Variants in MAML3 observed in about 807,000 individuals in gnomAD.
MAML3 encodes mastermind-like protein 3.
Under a neutral mutation model 101.9 loss-of-function variants are expected in MAML3, and 27 were observed. The ratio of observed to expected loss-of-function variants is 0.27; its 90% CI spans 0.20 to 0.37. MAML3 has a LOEUF of 0.37. MAML3 is among the 10% of genes least tolerant of loss of function. MAML3 has a pLI of 1.00. For missense variants in MAML3, 1,316 were observed against 1,444.9 expected (o/e 0.91, Z 1.45); for synonymous variants, 501 against 555.9 (o/e 0.90, Z 1.39).
intron 2 of MAML3, among the ~76,000 whole-genome samples, chr4:139,749,894 C>G (rs867396722): frequency 9.3e-5 from 10 of 107,890 alleles, no homozygotes; most frequent in East Asian, 2.9e-4. Context: ...AACCCCCCCC[C>G]ACCCTATTCT....
chr4:140,033,043 CG>C (rs1726932814), intron 1 of MAML3, among the ~76,000 whole-genome samples: 1 of 152,134 alleles, frequency 6.6e-6, no homozygotes. Flanking sequence ...TAACCATGAA[CG>C]GGTGTTCAGA....
chr4:139,945,095 C>A (rs941383482), intron 1 of MAML3, among the ~76,000 whole-genome samples: 1 of 152,200 alleles, frequency 6.6e-6, no homozygotes, highest in Non-Finnish European at 1.5e-5. Flanking sequence ...GAAAATTCCA[C>A]CCCCTAACCC....
intron 1 of MAML3, among the ~76,000 whole-genome samples, chr4:140,022,679 T>C (rs1325686882): frequency 6.6e-6 from 1 of 152,022 alleles, no homozygotes; most frequent in African/African-American, 2.4e-5. Context: ...AGAAGAAAAA[T>C]TCATCTCTTC....
chr4:139,935,337 G>A (rs1209987248), intron 1 of MAML3, among the ~76,000 whole-genome samples: 2 of 151,626 alleles, frequency 1.3e-5, no homozygotes, highest in Non-Finnish European at 2.9e-5. Context: ...CCACGTTTCA[G>A]CAGAGAAGGT....
chr4:139,994,436 A>C (rs376190042), intron 1 of MAML3, among the ~76,000 whole-genome samples: 73 of 152,322 alleles, frequency 4.8e-4, no homozygotes, highest in Middle Eastern at 3.4e-3. Context: ...AGGCTGAAGC[A>C]GGAGGATTGC....
chr4:139,880,588 T>A (rs1021229244), intron 2 of MAML3, among the ~76,000 whole-genome samples: 4 of 152,148 alleles, frequency 2.6e-5, no homozygotes, highest in Admixed American at 2.6e-4. Flanking sequence ...AATCACAAAA[T>A]CTTCTTCCAA....
Position 139,720,080 on chromosome 4 carries a change from T to C in MAML3, c.2660A>G (p.Gln887Arg). ...GMTQMLQHPNQSGMSITHNQA... is the reference protein window; with the variant it reads ...GMTQMLQHPNRSGMSITHNQA... ...GTTATGTGTGATGCTCATGCCACTT[T>C]GGTTTGGATGCTGCAACATTTGGGT... The change falls in exon 5 of 5, where the codon CAA becomes CGA. Residue 887 changes from glutamine to arginine, a missense_variant. Transcript: ENST00000509479. 6.2e-7 allele frequency: 1 copy of C among 1,614,098 alleles called. No individual in the cohort carries two copies.
At chr4:139,896,734 C>T (rs1399775389) in intron 1 of MAML3, among the ~76,000 whole-genome samples, 3 of 151,824 alleles carry the variant, frequency 2.0e-5, no homozygotes, top group Non-Finnish European at 2.9e-5. Context: ...GCATTATGTC[C>T]AAACCAGTAG....
intron 2 of MAML3, among the ~76,000 whole-genome samples, chr4:139,755,031 C>T (rs1044560976): frequency 1.3e-5 from 2 of 152,190 alleles, no homozygotes; most frequent in Non-Finnish European, 2.9e-5. Context: ...AACACCATTT[C>T]CCTGGGGTTG....
intron 1 of MAML3, among the ~76,000 whole-genome samples, chr4:140,122,713 AC>A (rs1267621803): frequency 1.2e-4 from 18 of 145,946 alleles, no homozygotes; most frequent in Non-Finnish European, 2.5e-4. Context: ...AATGGCGTGA[AC>A]CCGGGAGGCG....
intron 1 of MAML3, among the ~76,000 whole-genome samples, chr4:139,909,811 T>C (rs1578592358): frequency 1.8e-5 from 2 of 113,360 alleles, no homozygotes; most frequent in Non-Finnish European, 3.3e-5. Flanking sequence ...CATTCCAGCC[T>C]GGGCCACAGA....
chr4:139,794,892 G>A (rs1284591749), intron 2 of MAML3, among the ~76,000 whole-genome samples: 1 of 152,174 alleles, frequency 6.6e-6, no homozygotes, highest in Non-Finnish European at 1.5e-5. Context: ...TGTCCTGAAA[G>A]CTTCTTTTCT....
chr4:139,845,319 A>G (rs1731422630), intron 2 of MAML3, among the ~76,000 whole-genome samples: 1 of 152,210 alleles, frequency 6.6e-6, no homozygotes, highest in Admixed American at 6.5e-5. Flanking sequence ...CAATGTGGAC[A>G]TGGGAAAAGG....
At chr4:139,799,607 G>C (rs1730570522) in intron 2 of MAML3, among the ~76,000 whole-genome samples, 1 of 152,228 alleles carries the variant, frequency 6.6e-6, no homozygotes. Flanking sequence ...GTAAGGAAAA[G>C]TGAAATTGAA....
At chr4:140,031,939 C>T (rs1184644336) in intron 1 of MAML3, among the ~76,000 whole-genome samples, 1 of 152,208 alleles carries the variant, frequency 6.6e-6, no homozygotes, top group African/African-American at 2.4e-5. Flanking sequence ...TTACTGGAAG[C>T]AACTTTTTCA....
At chr4:139,803,518 A>C (rs1730646953) in intron 2 of MAML3, among the ~76,000 whole-genome samples, 1 of 152,186 alleles carries the variant, frequency 6.6e-6, no homozygotes, top group South Asian at 2.1e-4. Context: ...GTAAGTTAAT[A>C]ACCATGTTTG....
At chr4:139,852,832 A>G (rs1264442918) in intron 2 of MAML3, among the ~76,000 whole-genome samples, 1 of 151,894 alleles carries the variant, frequency 6.6e-6, no homozygotes, top group Non-Finnish European at 1.5e-5. Context: ...TGCCTTTCTC[A>G]CTGACTCAGC....
chr4:139,866,941 G>A (rs548016182), intron 2 of MAML3, among the ~76,000 whole-genome samples: 72 of 152,276 alleles, frequency 4.7e-4, no homozygotes, highest in Admixed American at 1.4e-3. Context: ...AGAGGGCAGG[G>A]ACCACATGTT....
At chr4:139,852,403 G>GTTTTTTTTTTTTTTGT (rs1731572998) in intron 2 of MAML3, among the ~76,000 whole-genome samples, 1 of 68,326 alleles carries the variant, frequency 1.5e-5, no homozygotes, top group African/African-American at 6.7e-5. Context: ...TCAGAAGACT[G>GTTTTTTTTTTTTTTGT]TTTTTTTTTT....
Sources: allele counts gnomAD v4.1 joint callset (sites outside exome capture counted in the v4.1 genomes callset), GRCh38; gene constraint gnomAD v4.1.1; transcripts MANE v1.5; gene names NCBI Gene and HGNC (gene_info 2026-07-23, HGNC 2026-07-21).